HOOK3: variants seen among roughly 807,000 people sequenced by gnomAD.
HOOK3 encodes hook microtubule tethering protein 3.
Under a neutral mutation model 116.3 loss-of-function variants are expected in HOOK3, and 24 were observed. The observed-to-expected ratio is 0.21, with a 90% CI of 0.15 to 0.29. HOOK3 has a LOEUF of 0.29. HOOK3 is among the 10% of genes least tolerant of loss of function. The pLI is 1.00. For missense variants in HOOK3, 632 were observed against 830.2 expected (o/e 0.76, Z 2.93); for synonymous variants, 275 against 283.0 (o/e 0.97, Z 0.28).
chr8:43,022,959 C>T lies in HOOK3; in HGVS notation c.*4461C>T, dbSNP rs369108834. 85 of 159,584 alleles carry T rather than the reference C, an allele frequency of 5.3e-4. 1 individual carries two copies. In the East Asian group the frequency reaches 9.1e-3, roughly 17 times the overall value. 9.9% of individuals were successfully genotyped at this position (159,584 alleles called of 1,614,324 possible). On this transcript the variant is annotated 3_prime_UTR_variant, in exon 22 of 22. Transcript: ENST00000307602. ...CGGTGGCTCACGCCTGTAATCCCAG[C>T]ACTTTGGGAGGCCAAGGCAGGCGGA...
intron 3 of HOOK3, among the ~76,000 whole-genome samples, chr8:42,929,173 A>G (rs1172310463): frequency 6.6e-6 from 1 of 152,236 alleles, no homozygotes; most frequent in Non-Finnish European, 1.5e-5. Flanking sequence ...ATACGGGAAA[A>G]TGAACATCCT....
chr8:43,024,951 A>G lies in HOOK3; in HGVS notation c.*6453A>G. The G allele has an allele frequency of 4.9e-6, 1 of 204,230 alleles. No individual in the cohort carries two copies. The highest frequency in any genetic ancestry group is 7.6e-5 in the East Asian group (1 of 13,202). The allele number at this position is 204,230 out of a possible 1,614,324, so 12.7% of individuals were successfully genotyped here. A position where few individuals can be genotyped will look rare whatever the true frequency, so the allele number is the denominator to read the frequency against. On this transcript the variant is annotated 3_prime_UTR_variant, in exon 22 of 22. Coordinates refer to ENST00000307602, the MANE Select transcript of HOOK3 (RefSeq NM_032410.4). ...TTTTCTGGGGAAGTATATATAGATGATTTTATTTTTTAAATAGCCTTTTAT... is the reference window on the plus strand; with the variant it reads ...TTTTCTGGGGAAGTATATATAGATGGTTTTATTTTTTAAATAGCCTTTTAT...
Position 43,019,631 on chromosome 8 carries a change from C to T in HOOK3, c.*1133C>T, listed in dbSNP as rs1369676429. 1 of 203,514 alleles carries T rather than the reference C, an allele frequency of 4.9e-6. No individual in the cohort carries two copies. 12.6% of individuals were successfully genotyped at this position (203,514 alleles called of 1,614,324 possible). On this transcript the variant is annotated 3_prime_UTR_variant, in exon 22 of 22. Transcript: ENST00000307602. ...TTGGATATTTGGTTGCCTCAAAGTG[C>T]TTACATTTGTTAACAGATTGTAAAC...
chr8:42,924,090 A>AT (rs1349198989), intron 2 of HOOK3, among the ~76,000 whole-genome samples: 2 of 151,782 alleles, frequency 1.3e-5, no homozygotes, highest in South Asian at 2.1e-4. Context: ...TGAAACATAC[A>AT]TTTTTTTCTT....
intron 4 of HOOK3, among the ~76,000 whole-genome samples, chr8:42,937,770 C>A (rs1199100900): frequency 6.6e-6 from 1 of 152,172 alleles, no homozygotes; most frequent in Non-Finnish European, 1.5e-5. Flanking sequence ...GTTATGATTT[C>A]TGTTCTTTTG....
At chr8:42,948,463 G>C (rs1172531716) in intron 5 of HOOK3, among the ~76,000 whole-genome samples, 1 of 152,080 alleles carries the variant, frequency 6.6e-6, no homozygotes, top group Non-Finnish European at 1.5e-5. Context: ...GTGTTCGCGG[G>C]GAAGGGCCTT....
intron 14 of HOOK3, 99 bp from the exon 15 acceptor site, chr8:42,986,551 TATTAA>T: frequency 2.7e-6 from 2 of 753,672 alleles, no homozygotes; most frequent in South Asian, 2.5e-5. Flanking sequence ...TCTGTTCTGG[TATTAA>T]ATTTGTAAGA....
chr8:42,943,276 ATGTAAATGCAAT>A (rs377365204), intron 4 of HOOK3, 25 bp from the exon 5 acceptor site: 2 of 1,308,898 alleles, frequency 1.5e-6, no homozygotes, highest in South Asian at 4.4e-5. Context: ...GGTCATATAA[ATGTAAATGCAAT>A]TATAATCCTT....
rs977910580 is a variant in HOOK3, at chr8:43,000,191, A to G, written c.1621-1916A>G. On this transcript the variant is annotated intron_variant, in intron 16 of 21. Coordinates refer to ENST00000307602, the MANE Select transcript of HOOK3 (RefSeq NM_032410.4). ...CTTTTACTTCTGTTCATGAATTACTAAATCGTTGCTTCTCTTGGCTGCTGT... is the reference window on the plus strand; with the variant it reads ...CTTTTACTTCTGTTCATGAATTACTGAATCGTTGCTTCTCTTGGCTGCTGT... 30 of 865,250 alleles carry G rather than the reference A, an allele frequency of 3.5e-5. No individual in the cohort carries two copies. The Admixed American group carries it at 4.7e-4, about 14-fold the overall frequency. The allele number at this position is 865,250 out of a possible 1,614,324, so 53.6% of individuals were successfully genotyped here.
intron 15 of HOOK3, among the ~76,000 whole-genome samples, chr8:42,995,930 A>T (rs561256033): frequency 3.9e-5 from 6 of 151,944 alleles, no homozygotes; most frequent in Non-Finnish European, 7.4e-5. Flanking sequence ...AACCTTTTTG[A>T]TACTATCTTC....
chr8:42,912,789 T>C (rs1434069492), intron 2 of HOOK3, among the ~76,000 whole-genome samples: 7 of 152,210 alleles, frequency 4.6e-5, no homozygotes, highest in Admixed American at 1.3e-4. Flanking sequence ...TTAACGTTAG[T>C]GTTCACTCTT....
intron 13 of HOOK3, 78 bp from the exon 14 acceptor site, chr8:42,982,549 C>T (rs1808972309): frequency 1.1e-6 from 1 of 946,188 alleles, no homozygotes; most frequent in South Asian, 1.3e-5. Context: ...AAAATTAATG[C>T]TCAAAGTAGG....
At chr8:42,951,280 C>G (rs895332139) in intron 6 of HOOK3, among the ~76,000 whole-genome samples, 8 of 151,032 alleles carry the variant, frequency 5.3e-5, no homozygotes, top group South Asian at 2.1e-4. Context: ...AGGCTGGTCT[C>G]GAACTCCTGA....
At chr8:42,947,738 A>G (rs980264314) in intron 5 of HOOK3, among the ~76,000 whole-genome samples, 4 of 152,212 alleles carry the variant, frequency 2.6e-5, no homozygotes, top group African/African-American at 4.8e-5. Context: ...TCACTAAAGC[A>G]GTTCTGCTGT....
At chr8:42,946,640 A>C (rs903628545) in intron 5 of HOOK3, among the ~76,000 whole-genome samples, 5 of 152,026 alleles carry the variant, frequency 3.3e-5, no homozygotes, top group African/African-American at 1.2e-4. Flanking sequence ...TAAGTTTAAT[A>C]ATAGCATTAT....
In HOOK3 at chr8:43,007,938, T is replaced by G. The variant is rs771619469; in HGVS notation, c.1738+9T>G. The G allele has an allele frequency of 1.2e-5, 19 of 1,554,064 alleles. No homozygotes were observed. The highest frequency in any genetic ancestry group is 6.8e-5 in the East Asian group (3 of 44,346). ...AAGATTTAACAACAGCTGTGAGTTT[T>G]CCTAATTAGGATAGTTTTTAAGTGG... is the stretch of plus-strand genomic sequence containing the variant. On this transcript the variant is annotated intron_variant, in intron 18 of 21. Transcript: ENST00000307602.
chr8:43,004,365 T>TC (rs1554515701), intron 17 of HOOK3, among the ~76,000 whole-genome samples: 1 of 111,188 alleles, frequency 9.0e-6, no homozygotes, highest in Non-Finnish European at 1.7e-5. Context: ...AGACTCTGTC[T>TC]CAAAAAAAAA....
intron 15 of HOOK3, among the ~76,000 whole-genome samples, chr8:42,989,365 A>G (rs1809111966): frequency 6.6e-6 from 1 of 152,284 alleles, no homozygotes; most frequent in South Asian, 2.1e-4. Flanking sequence ...AATACCTGCA[A>G]TATGCAGGGA....
rs1026458245 is a variant in HOOK3, at chr8:43,022,816, A to C, written c.*4318A>C. On this transcript the variant is annotated 3_prime_UTR_variant, in exon 22 of 22. Coordinates refer to ENST00000307602, the MANE Select transcript of HOOK3 (RefSeq NM_032410.4). ...TTAATTAGATTATTAGACTATAATA[A>C]GGATGAAATTGCTGTCTGTAATTTT... 1 of 176,074 alleles carries C rather than the reference A, an allele frequency of 5.7e-6. No homozygotes were observed. The highest frequency in any genetic ancestry group is 6.3e-5 in the Admixed American group (1 of 15,802). The allele number at this position is 176,074 out of a possible 1,614,324, so 10.9% of individuals were successfully genotyped here.
Sources: gnomAD v4.1 joint callset for allele counts (sites outside exome capture counted in the v4.1 genomes callset) on GRCh38, gnomAD v4.1.1 for gene constraint, MANE v1.5 for transcripts, NCBI Gene and HGNC (gene_info 2026-07-23, HGNC 2026-07-21) for gene names.